Variants in RYR3 observed in about 807,000 individuals in gnomAD.
RYR3 encodes ryanodine receptor 3.
RYR3 carries 207 observed loss-of-function variants against 584.3 expected under a neutral mutation model. That is an observed-to-expected ratio of 0.35 (90% confidence interval 0.32 to 0.40). The LOEUF (loss-of-function observed/expected upper bound fraction) is 0.40. RYR3 is among the 10% of genes least tolerant of loss of function. The probability of loss-of-function intolerance (pLI) is 1.00; values close to 1 mark genes in which losing one functional copy is unlikely to be tolerated. For missense variants in RYR3, 5,616 were observed against 6,089.2 expected (o/e 0.92, Z 2.59); for synonymous variants, 2,416 against 2,248.5 (o/e 1.07, Z -2.11).
rs550579772 is a variant in RYR3, at chr15:33,836,201, A to AG, written c.11569-697dup. The stretch of plus-strand genomic sequence containing the variant: ...TTTCTTTTCTTTCCTTTTTTTTGTG[A>AG]GGGGGGGGTCTGTAAAAGGTATGTG... On this transcript the variant is annotated intron_variant, in intron 87 of 103. Transcript: ENST00000634891. 3.0e-3 allele frequency among the ~76,000 whole-genome samples: 349 copies of AG among 116,160 alleles called. 1 individual carries two copies. Among genetic ancestry groups the AG allele is most frequent in the South Asian group, 0.014 (53 of 3,770 alleles). The allele number at this position is 116,160 out of a possible 152,430, so 76.2% of individuals were successfully genotyped here. A position where few individuals can be genotyped will look rare whatever the true frequency, so the allele number is the denominator to read the frequency against.
chr15:33,628,428 T>A (rs373964281), intron 20 of RYR3, 43 bp from the exon 21 acceptor site: 420 of 1,398,276 alleles, frequency 3.0e-4, no homozygotes, highest in Admixed American at 4.4e-4. Context: ...TTATGATAGG[T>A]TTCAAAACAA....
intron 3 of RYR3, among the ~76,000 whole-genome samples, chr15:33,521,409 C>T (rs138039410): frequency 3.4e-4 from 52 of 152,190 alleles, no homozygotes; most frequent in South Asian, 2.7e-3. Context: ...AAGGAGATTG[C>T]GCCACCTTCT....
intron 2 of RYR3, among the ~76,000 whole-genome samples, chr15:33,479,768 T>A (rs1288084196): frequency 1.3e-5 from 2 of 152,144 alleles, no homozygotes; most frequent in Non-Finnish European, 2.9e-5. Flanking sequence ...TCCATGTAAT[T>A]AGACTTCAGA....
chr15:33,654,699 G>A (rs1178319070), intron 32 of RYR3, among the ~76,000 whole-genome samples: 3 of 152,122 alleles, frequency 2.0e-5, no homozygotes, highest in African/African-American at 7.2e-5. Flanking sequence ...ATAGGAAATG[G>A]GGAGCCATTG....
intron 2 of RYR3, among the ~76,000 whole-genome samples, chr15:33,489,507 CTCCA>C (rs991009378): frequency 1.3e-5 from 2 of 152,206 alleles, no homozygotes; most frequent in Non-Finnish European, 2.9e-5. Context: ...TAGCCTCCAG[CTCCA>C]TCCATGTTCC....
At chr15:33,420,778 C>G (rs2044183538) in intron 1 of RYR3, among the ~76,000 whole-genome samples, 1 of 152,068 alleles carries the variant, frequency 6.6e-6, no homozygotes. Flanking sequence ...GATAAGGCCC[C>G]TTGATGAAAT....
In RYR3 at chr15:33,632,964, C is replaced by T. The variant is rs377535274; in HGVS notation, c.2883C>T (p.Asn961=). The change falls in exon 24 of 104, where the codon AAC becomes AAT. Residue 961 remains asparagine (N), a synonymous_variant. Transcript: ENST00000634891. ...TTACTTGTAGCTATATGATGTCCAA[C>T]GGCTATAAGCCAGCCCCTTTGGATT... ...VKLPKNYMMS[N]GYKPAPLDLS... is the part of the protein sequence containing the mutation. 2.2e-5 allele frequency: 35 copies of T among 1,612,668 alleles called. No individual in the cohort carries two copies. Among genetic ancestry groups the T allele is most frequent in the South Asian group, 8.8e-5 (8 of 90,844 alleles).
chr15:33,750,378 A>G, intron 57 of RYR3, 92 bp downstream of exon 57: 1 of 1,265,268 alleles, frequency 7.9e-7, no homozygotes, highest in Non-Finnish European at 1.1e-6. Flanking sequence ...AAGTAAGGAG[A>G]ACAATTGAGT....
chr15:33,697,779 T>A, intron 39 of RYR3, 103 bp from the exon 40 acceptor site: 1 of 699,088 alleles, frequency 1.4e-6, no homozygotes. Flanking sequence ...CCTGTTACTT[T>A]CATATTATTT....
intron 56 of RYR3, 54 bp downstream of exon 56, chr15:33,750,108 C>T: frequency 6.2e-7 from 1 of 1,607,524 alleles, no homozygotes; most frequent in Non-Finnish European, 8.5e-7. Flanking sequence ...CAGCTATGGT[C>T]TCCCAGAAGT....
At chr15:33,853,762 C>A in intron 96 of RYR3, 80 bp downstream of exon 96, 2 of 1,527,854 alleles carry the variant, frequency 1.3e-6, no homozygotes, top group Non-Finnish European at 8.8e-7. Flanking sequence ...AAATCACAAC[C>A]GTGTCTTTGT....
At chr15:33,454,703 TGAG>T in intron 1 of RYR3, among the ~76,000 whole-genome samples, 1 of 151,996 alleles carries the variant, frequency 6.6e-6, no homozygotes, top group Non-Finnish European at 1.5e-5. Flanking sequence ...CCTGAGAAAA[TGAG>T]GAGTGTGATA....
At chr15:33,646,283 G>A (rs1413947470) in intron 28 of RYR3, 68 bp from the exon 29 acceptor site, 6 of 1,409,454 alleles carry the variant, frequency 4.3e-6, no homozygotes, top group African/African-American at 1.4e-5. Context: ...ATGTCCACGA[G>A]GGAAAAAGGG....
At chr15:33,748,398 G>T in intron 54 of RYR3, 70 bp from the exon 55 acceptor site, 1 of 1,553,356 alleles carries the variant, frequency 6.4e-7, no homozygotes, top group Non-Finnish European at 8.8e-7. Flanking sequence ...TTTGACAGCT[G>T]AAGTTGGGGA....
At chr15:33,581,195 G>A (rs1433485685) in intron 13 of RYR3, among the ~76,000 whole-genome samples, 2 of 152,102 alleles carry the variant, frequency 1.3e-5, no homozygotes, top group African/African-American at 4.8e-5. Flanking sequence ...CTGAAAGCAG[G>A]TTTTTGTGAA....
At chr15:33,794,069 AATAT>A (rs897939772) in intron 67 of RYR3, among the ~76,000 whole-genome samples, 11 of 123,686 alleles carry the variant, frequency 8.9e-5, no homozygotes, top group African/African-American at 3.5e-4. Context: ...TACATAAATA[AATAT>A]ATATAAATAT....
intron 64 of RYR3, among the ~76,000 whole-genome samples, chr15:33,776,782 C>T (rs2074022944): frequency 6.6e-6 from 1 of 152,166 alleles, no homozygotes; most frequent in Admixed American, 6.5e-5. Context: ...ATGACTTTGT[C>T]TTTTCCTATA....
At chr15:33,511,178 C>G (rs567911912) in intron 3 of RYR3, among the ~76,000 whole-genome samples, 1 of 151,828 alleles carries the variant, frequency 6.6e-6, no homozygotes, top group Non-Finnish European at 1.5e-5. Context: ...ACTTAGGCGA[C>G]AGCACATTGC....
rs538719890 is a variant in RYR3, at chr15:33,509,373, C to T, written c.279+5635C>T. On this transcript the variant is annotated intron_variant, in intron 3 of 103. Coordinates refer to ENST00000634891, the MANE Select transcript of RYR3 (RefSeq NM_001036.6). ...TTATACCATAGAAGAAAAGGGGAAC[C>T]ACCACCATCCAGATTTAGCATCTCA... Among the ~76,000 whole-genome samples, 5 of 152,230 alleles carry T rather than the reference C, an allele frequency of 3.3e-5. No individual in the cohort carries two copies. In the South Asian group the frequency reaches 6.2e-4, roughly 19 times the overall value.
Sources: allele counts gnomAD v4.1 joint callset (sites outside exome capture counted in the v4.1 genomes callset), GRCh38; gene constraint gnomAD v4.1.1; transcripts MANE v1.5; gene names NCBI Gene and HGNC (gene_info 2026-07-23, HGNC 2026-07-21).